The following CUL1 variants were observed in gnomAD, a reference collection of about 807,000 sequenced individuals.
CUL1 encodes the protein cullin 1.
In CUL1, 24 loss-of-function variants were observed where a neutral mutation model predicts 118.0. The ratio of observed to expected loss-of-function variants is 0.20; its 90% CI spans 0.15 to 0.29. CUL1 has a LOEUF of 0.29. Among genes scored for constraint, CUL1 ranks in the 10% least tolerant of loss-of-function variants. The pLI, the probability that CUL1 is intolerant of heterozygous loss-of-function variation, is 1.00. For missense variants in CUL1, 361 were observed against 933.8 expected (o/e 0.39, Z 7.99); for synonymous variants, 332 against 340.4 (o/e 0.98, Z 0.27).
At chr7:148,770,431 A>G (rs1422292229) in intron 9 of CUL1, among the ~76,000 whole-genome samples, 2 of 152,260 alleles carry the variant, frequency 1.3e-5, no homozygotes, top group African/African-American at 4.8e-5. Context: ...TTATTTACAT[A>G]AGCACTGTTT....
Position 148,786,953 on chromosome 7 carries a change from T to C in CUL1, c.1348-36T>C, listed in dbSNP as rs185027133. 116 of 1,595,348 alleles carry C rather than the reference T, an allele frequency of 7.3e-5. 2 individuals carry two copies. In the Admixed American group the frequency reaches 1.3e-3, roughly 17 times the overall value. ...GCTCTGCACTGTTGGCTTGTGTGTG[T>C]GCTGGTTAAGTGTGTTGTCTCGGTG... On this transcript the variant is annotated intron_variant, in intron 12 of 21. Transcript: ENST00000325222.
intron 2 of CUL1, among the ~76,000 whole-genome samples, chr7:148,738,494 C>A (rs1269988987): frequency 3.3e-5 from 5 of 152,156 alleles, no homozygotes; most frequent in Non-Finnish European, 7.4e-5. Context: ...GGACATAAAC[C>A]CCTGTACCAC....
chr7:148,757,297 C>A, intron 4 of CUL1, 147 bp downstream of exon 4: 1 of 452,890 alleles, frequency 2.2e-6, no homozygotes, highest in South Asian at 8.0e-5. Context: ...CAATAAATGT[C>A]ACTTAAATAT....
At chr7:148,732,632 T>C (rs1249092425) in intron 2 of CUL1, among the ~76,000 whole-genome samples, 1 of 152,004 alleles carries the variant, frequency 6.6e-6, no homozygotes, top group Non-Finnish European at 1.5e-5. Flanking sequence ...AGCCACCACG[T>C]CCAGCCTTGG....
intron 1 of CUL1, among the ~76,000 whole-genome samples, chr7:148,712,167 G>A (rs543348712): frequency 8.5e-5 from 13 of 152,352 alleles, no homozygotes; most frequent in Admixed American, 4.6e-4. Flanking sequence ...GATGTGCAGT[G>A]AAAGCTCTCC....
chr7:148,738,975 G>A (rs1481627927), intron 2 of CUL1, among the ~76,000 whole-genome samples: 2 of 152,206 alleles, frequency 1.3e-5, no homozygotes, highest in Non-Finnish European at 2.9e-5. Context: ...GGTGGGTTCA[G>A]GGAGCAGCAG....
intron 7 of CUL1, among the ~76,000 whole-genome samples, chr7:148,761,459 C>T (rs1439548860): frequency 6.6e-6 from 1 of 152,092 alleles, no homozygotes. Flanking sequence ...TGCAGTGAGC[C>T]GAGATTGTGC....
chr7:148,772,033 CT>C (rs977125109), intron 9 of CUL1, among the ~76,000 whole-genome samples: 1 of 152,048 alleles, frequency 6.6e-6, no homozygotes, highest in African/African-American at 2.4e-5. Flanking sequence ...AATGGCTCAC[CT>C]TAATGATTTT....
chr7:148,765,527 A>T (rs1799977429), intron 7 of CUL1, among the ~76,000 whole-genome samples: 1 of 152,158 alleles, frequency 6.6e-6, no homozygotes, highest in Admixed American at 6.6e-5. Context: ...CTGCACAGGG[A>T]GGCTGAGGCA....
chr7:148,797,884 C>G, intron 18 of CUL1, 25 bp downstream of exon 18: 1 of 1,611,140 alleles, frequency 6.2e-7, no homozygotes, highest in Non-Finnish European at 8.5e-7. Context: ...TTTTATCTTA[C>G]ACTAGAAGAA....
At chr7:148,717,454 T>C (rs543631135) in intron 1 of CUL1, among the ~76,000 whole-genome samples, 1 of 152,290 alleles carries the variant, frequency 6.6e-6, no homozygotes, top group East Asian at 1.9e-4. Context: ...CTGAATTCTT[T>C]CTTACCTGTG....
chr7:148,783,356 G>A (rs1176949958), intron 9 of CUL1: 1 of 985,286 alleles, frequency 1.0e-6, no homozygotes, highest in Non-Finnish European at 1.2e-6. Flanking sequence ...CCTGAGCCCC[G>A]CTTTCCCTCG....
intron 2 of CUL1, among the ~76,000 whole-genome samples, chr7:148,748,208 A>G (rs921134268): frequency 6.6e-6 from 1 of 152,222 alleles, no homozygotes; most frequent in Non-Finnish European, 1.5e-5. Flanking sequence ...TCCAAATAAC[A>G]GTATGAAACA....
chr7:148,765,166 C>T (rs144723597), intron 7 of CUL1, among the ~76,000 whole-genome samples: 51 of 152,240 alleles, frequency 3.3e-4, no homozygotes, highest in Admixed American at 1.3e-4. Flanking sequence ...CTATTTAGAA[C>T]GTGTAATAAG....
intron 1 of CUL1, among the ~76,000 whole-genome samples, chr7:148,713,280 C>T (rs1362070752): frequency 6.6e-6 from 1 of 152,194 alleles, no homozygotes. Flanking sequence ...AACTGATACT[C>T]AGTCCTCAGC....
chr7:148,718,371 G>A (rs541996147), intron 1 of CUL1, among the ~76,000 whole-genome samples: 11 of 152,188 alleles, frequency 7.2e-5, no homozygotes, highest in African/African-American at 9.6e-5. Context: ...TCTCTTTGCC[G>A]TCACTCCCCA....
intron 9 of CUL1, among the ~76,000 whole-genome samples, chr7:148,772,078 T>C (rs1278144731): frequency 6.6e-6 from 1 of 152,164 alleles, no homozygotes; most frequent in Admixed American, 6.5e-5. Flanking sequence ...ACAATAGGCA[T>C]TTATGATACT....
chr7:148,740,313 C>T (rs992859473), intron 2 of CUL1, among the ~76,000 whole-genome samples: 2 of 152,150 alleles, frequency 1.3e-5, no homozygotes, highest in African/African-American at 4.8e-5. Context: ...CCTCGGCCTC[C>T]CATAGAGCTG....
chr7:148,713,139 A>G (rs1392695363), intron 1 of CUL1, among the ~76,000 whole-genome samples: 2 of 152,026 alleles, frequency 1.3e-5, no homozygotes, highest in Non-Finnish European at 2.9e-5. Context: ...ATCAAATGTA[A>G]TACCGTTTTT....
Sources: allele counts gnomAD v4.1 joint callset (sites outside exome capture counted in the v4.1 genomes callset), GRCh38; gene constraint gnomAD v4.1.1; transcripts MANE v1.5; gene names NCBI Gene and HGNC (gene_info 2026-07-23, HGNC 2026-07-21).